Variants in CASK observed in about 807,000 individuals in gnomAD.
CASK encodes the protein peripheral plasma membrane protein CASK.
A neutral mutation model predicts 82.9 loss-of-function variants in CASK; 4 were observed. The ratio of observed to expected loss-of-function variants is 0.05; its 90% CI spans 0.02 to 0.11. The LOEUF (loss-of-function observed/expected upper bound fraction) is 0.11. Ranked by LOEUF, CASK falls within the 10% of genes least tolerant of loss-of-function variation. CASK has a pLI of 1.00. For synonymous variants in CASK, 259 were observed against 253.5 expected (o/e 1.02, Z -0.20); for missense variants, 358 against 720.9 (o/e 0.50, Z 5.76).
chrX:41,628,751 C>T (rs1261463781), intron 9 of CASK, among the ~76,000 whole-genome samples: 1 of 112,168 alleles, frequency 8.9e-6, no homozygotes, highest in Non-Finnish European at 1.9e-5. Flanking sequence ...GGTTCTTATG[C>T]AGAATTATAG....
intron 8 of CASK, among the ~76,000 whole-genome samples, chrX:41,636,964 CTTT>C (rs377181887): frequency 9.5e-6 from 1 of 105,164 alleles, no homozygotes; most frequent in African/African-American, 3.4e-5. Context: ...GGCATTGTTA[CTTT>C]TTTTTTTTTG....
chrX:41,558,973 C>T (rs926453275), intron 18 of CASK: 1 of 111,634 alleles, frequency 9.0e-6, no homozygotes, highest in Admixed American at 9.6e-5. Context: ...CACATACTCT[C>T]GGAAGATGCA....
chrX:41,762,290 T>C (rs1273284968), intron 3 of CASK, among the ~76,000 whole-genome samples: 1 of 112,063 alleles, frequency 8.9e-6, no homozygotes, highest in African/African-American at 3.2e-5. Context: ...GTTGTGATTA[T>C]CAGAGTACTT....
At chrX:41,563,356 CAA>C (rs746081703) in intron 16 of CASK, among the ~76,000 whole-genome samples, 1 of 15,133 alleles carries the variant, frequency 6.6e-5, no homozygotes. Flanking sequence ...GACCCTGTCT[CAA>C]AAAAAAAAAA....
chrX:41,609,161 G>A (rs1433372602), intron 12 of CASK, among the ~76,000 whole-genome samples: 1 of 112,002 alleles, frequency 8.9e-6, no homozygotes, highest in African/African-American at 3.2e-5. Context: ...TGTTGCCCAG[G>A]CTGGAGTGCA....
chrX:41,800,121 C>A (rs2069961899), intron 2 of CASK, among the ~76,000 whole-genome samples: 1 of 111,081 alleles, frequency 9.0e-6, no homozygotes, highest in East Asian at 2.8e-4. Context: ...TGTTTGGCAG[C>A]TGAGTGGCAG....
At chrX:41,717,014 T>TA (rs2068073165) in intron 5 of CASK, among the ~76,000 whole-genome samples, 1 of 110,507 alleles carries the variant, frequency 9.0e-6, no homozygotes, top group Non-Finnish European at 1.9e-5. Flanking sequence ...TCGTTGCCCT[T>TA]AGTCACTCAC....
At chrX:41,559,297 A>T (rs1420335511) in intron 18 of CASK, 1 of 119,934 alleles carries the variant, frequency 8.3e-6, no homozygotes, top group Admixed American at 8.3e-5. Context: ...GAAGTCAATT[A>T]TCAATTCATT....
intron 2 of CASK, among the ~76,000 whole-genome samples, chrX:41,812,646 C>A (rs1250261722): frequency 2.7e-5 from 3 of 111,584 alleles, no homozygotes; most frequent in East Asian, 2.8e-4. Flanking sequence ...ACTGAATGGG[C>A]AAAAACTGGA....
intron 5 of CASK, among the ~76,000 whole-genome samples, chrX:41,737,393 T>C (rs1320582797): frequency 1.8e-5 from 2 of 112,181 alleles, no homozygotes; most frequent in Non-Finnish European, 3.8e-5. Context: ...CAGTTATTGA[T>C]TGAAGTCACT....
At chrX:41,549,055 G>A (rs916889531) in intron 21 of CASK, among the ~76,000 whole-genome samples, 1 of 111,719 alleles carries the variant, frequency 9.0e-6, no homozygotes, top group African/African-American at 3.3e-5. Context: ...GGCAAGGCAA[G>A]GGGAGGGATG....
Position 41,607,842 on chromosome X carries a change from T to C in CASK, c.1155+2062A>G, listed in dbSNP as rs1219335398. Among the ~76,000 whole-genome samples the C allele has an allele frequency of 2.7e-5, 3 of 111,964 alleles. No individual in the cohort carries two copies. The East Asian group carries it at 8.3e-4, about 31-fold the overall frequency. On this transcript the variant is annotated intron_variant, in intron 12 of 26. Transcript: ENST00000378163. Reference sequence around the variant, plus strand: ...GCAGTGTGACCTAGTGGAAGAGGCCTGGGTCTCTGAATGACGGTGTGGAAA... The same window carrying C: ...GCAGTGTGACCTAGTGGAAGAGGCCCGGGTCTCTGAATGACGGTGTGGAAA...
At chrX:41,694,533 G>A (rs1026304863) in intron 5 of CASK, among the ~76,000 whole-genome samples, 1 of 112,147 alleles carries the variant, frequency 8.9e-6, no homozygotes, top group African/African-American at 3.2e-5. Context: ...CTATCTCTTC[G>A]AAGGTTCTAG....
chrX:41,902,299 G>A (rs144956970), intron 1 of CASK, among the ~76,000 whole-genome samples: 21 of 111,862 alleles, frequency 1.9e-4, no homozygotes, highest in South Asian at 1.1e-3. Context: ...TCTGATCAGA[G>A]GTCAGAAATC....
At chrX:41,827,999 C>T (rs996677800) in intron 2 of CASK, among the ~76,000 whole-genome samples, 2 of 111,604 alleles carry the variant, frequency 1.8e-5, no homozygotes, top group Non-Finnish European at 3.8e-5. Flanking sequence ...TACTGACCAC[C>T]TACAGTGTGC....
intron 11 of CASK, among the ~76,000 whole-genome samples, chrX:41,614,616 G>A (rs939691921): frequency 1.8e-5 from 2 of 108,957 alleles, no homozygotes; most frequent in Admixed American, 2.0e-4. Flanking sequence ...CTGCCTCCCA[G>A]GTTCAAGCGA....
At chrX:41,754,879 T>G (rs1455752488) in intron 3 of CASK, among the ~76,000 whole-genome samples, 1 of 88,616 alleles carries the variant, frequency 1.1e-5, no homozygotes, top group East Asian at 3.3e-4. Flanking sequence ...TTCTGACAAG[T>G]TTTTTTTTTT....
At chrX:41,901,368 C>A (rs2072376800) in intron 1 of CASK, among the ~76,000 whole-genome samples, 1 of 110,250 alleles carries the variant, frequency 9.1e-6, no homozygotes, top group African/African-American at 3.3e-5. Context: ...ACTCAGGAGG[C>A]TGAGGCAGTA....
chrX:41,847,823 G>T (rs1001089101), intron 2 of CASK, among the ~76,000 whole-genome samples: 1 of 111,707 alleles, frequency 9.0e-6, no homozygotes, highest in Non-Finnish European at 1.9e-5. Context: ...TTGCTCAAGG[G>T]TTTTGTGGAT....
Sources: gnomAD v4.1 joint callset for allele counts (sites outside exome capture counted in the v4.1 genomes callset) on GRCh38, gnomAD v4.1.1 for gene constraint, MANE v1.5 for transcripts, NCBI Gene and HGNC (gene_info 2026-07-23, HGNC 2026-07-21) for gene names.